CMAS: variants seen among roughly 807,000 people sequenced by gnomAD.
CMAS encodes the protein N-acylneuraminate cytidylyltransferase.
Under a neutral mutation model 53.4 loss-of-function variants are expected in CMAS, and 21 were observed. That is an observed-to-expected ratio of 0.39 (90% CI 0.28 to 0.57). CMAS has a LOEUF of 0.57. CMAS is among the 20% of genes least tolerant of loss of function. CMAS has a pLI of 0.56. For missense variants in CMAS, 384 were observed against 534.9 expected, an observed-to-expected ratio of 0.72 and a Z score of 2.78; for synonymous variants, 189 against 195.2, an observed-to-expected ratio of 0.97 and a Z score of 0.27.
intron 6 of CMAS, 73 bp from the exon 7 acceptor site, chr12:22,062,208 T>TGAAA (rs1950312429): frequency 7.3e-6 from 10 of 1,376,412 alleles, no homozygotes; most frequent in South Asian, 2.9e-5. Flanking sequence ...TCAATTATTA[T>TGAAA]GAAAGATTTC....
chr12:22,048,224 A>G (rs1386932481), intron 1 of CMAS, among the ~76,000 whole-genome samples: 1 of 152,256 alleles, frequency 6.6e-6, no homozygotes, highest in Non-Finnish European at 1.5e-5. Context: ...GACATGCAGT[A>G]TACAAGAACA....
Position 22,046,466 on chromosome 12 carries a change from A to G in CMAS, c.163A>G (p.Ser55Gly). The G allele has an allele frequency of 6.2e-7, 1 of 1,610,484 alleles. No individual in the cohort carries two copies. Among genetic ancestry groups the G allele is most frequent in the East Asian group, 2.2e-5 (1 of 44,640 alleles). Residue 55 changes from serine to glycine, a missense_variant, in exon 1 of 8, where the codon AGC becomes GGC. Coordinates refer to ENST00000229329, the MANE Select transcript of CMAS (RefSeq NM_018686.6). ...LAALILARGG[S>G]KGIPLKNIKH... ...AGCCCTAATTCTGGCCCGGGGAGGC[A>G]GCAAAGGCATCCCCCTGAAGAACAT...
In CMAS at chr12:22,065,500, G is replaced by T. The variant is rs1280946029; in HGVS notation, c.*189G>T. On this transcript the variant is annotated 3_prime_UTR_variant, in exon 8 of 8. Coordinates refer to ENST00000229329, the MANE Select transcript of CMAS (RefSeq NM_018686.6). ...TAGAGACTGATTACAGTCTTTCTCA[G>T]ATTTTTAGTAAATGCAAGTAAGAAC... is the stretch of plus-strand genomic sequence containing the variant. The T allele has an allele frequency of 1.9e-6, 1 of 529,390 alleles. No homozygotes were observed. The highest frequency in any genetic ancestry group is 3.0e-5 in the East Asian group (1 of 33,368). 32.8% of individuals were successfully genotyped at this position (529,390 alleles called of 1,614,324 possible).
intron 1 of CMAS, among the ~76,000 whole-genome samples, chr12:22,052,858 C>A (rs1030661310): frequency 6.6e-6 from 1 of 152,094 alleles, no homozygotes; most frequent in African/African-American, 2.4e-5. Context: ...ATTATTTTTT[C>A]TTACTGACTT....
chr12:22,047,906 G>C (rs1477485511), intron 1 of CMAS, among the ~76,000 whole-genome samples: 5 of 152,194 alleles, frequency 3.3e-5, no homozygotes, highest in Admixed American at 6.5e-5. Context: ...GTAATATAGT[G>C]AAATATCATT....
chr12:22,048,201 TATA>T (rs1304196730), intron 1 of CMAS, among the ~76,000 whole-genome samples: 2 of 152,206 alleles, frequency 1.3e-5, no homozygotes, highest in Non-Finnish European at 2.9e-5. Flanking sequence ...GAGCTTACGT[TATA>T]ATAAGGAAAG....
intron 4 of CMAS, chr12:22,060,541 A>C (rs887442359): frequency 7.6e-6 from 2 of 263,168 alleles, no homozygotes; most frequent in Admixed American, 4.6e-5. Context: ...GTAGTACCAG[A>C]TCCTTAGGAG....
intron 1 of CMAS, among the ~76,000 whole-genome samples, chr12:22,049,792 C>T (rs578161635): frequency 3.9e-5 from 6 of 152,144 alleles, no homozygotes; most frequent in African/African-American, 1.4e-4. Flanking sequence ...GTAATCCCAG[C>T]TACTCAGGAG....
intron 4 of CMAS, chr12:22,060,518 G>A (rs1950302228): frequency 5.1e-6 from 1 of 196,794 alleles, no homozygotes; most frequent in African/African-American, 2.4e-5. Flanking sequence ...GCCGGACATG[G>A]TGCTGTATAC....
At chr12:22,062,208 T>A (rs1228020364) in intron 6 of CMAS, 73 bp from the exon 7 acceptor site, 2 of 1,376,412 alleles carry the variant, frequency 1.5e-6, no homozygotes, top group East Asian at 4.8e-5. Context: ...TCAATTATTA[T>A]GAAAGATTTC....
intron 4 of CMAS, among the ~76,000 whole-genome samples, chr12:22,060,486 CA>C (rs758461080): frequency 1.3e-5 from 2 of 151,292 alleles, no homozygotes; most frequent in Non-Finnish European, 2.9e-5. Flanking sequence ...CTTATATCTA[CA>C]AAAAACTTTT....
chr12:22,065,375 G>T lies in CMAS; in HGVS notation c.*64G>T. Reference sequence around the variant, plus strand: ...CTTCAGCCAGTTTGCTTTTATTTTTGATTAAGTAAATTCCATGTTGTAATG... The same window carrying T: ...CTTCAGCCAGTTTGCTTTTATTTTTTATTAAGTAAATTCCATGTTGTAATG... On this transcript the variant is annotated 3_prime_UTR_variant, in exon 8 of 8. Transcript: ENST00000229329. 7.8e-7 allele frequency: 1 copy of T among 1,287,518 alleles called. No individual in the cohort carries two copies. The highest frequency in any genetic ancestry group is 1.3e-5 in the South Asian group (1 of 75,654). 79.8% of individuals were successfully genotyped at this position (1,287,518 alleles called of 1,614,324 possible). A position where few individuals can be genotyped will look rare whatever the true frequency, so the allele number is the denominator to read the frequency against.
intron 7 of CMAS, chr12:22,063,979 A>ATAAG (rs1491539107): frequency 7.9e-5 from 12 of 152,026 alleles, no homozygotes; most frequent in Admixed American, 3.3e-4. Flanking sequence ...TATGGGTGAC[A>ATAAG]TAAGTGTATA....
intron 7 of CMAS, among the ~76,000 whole-genome samples, chr12:22,063,325 TTTAATGGACA>T (rs1950320876): frequency 6.6e-6 from 1 of 152,186 alleles, no homozygotes; most frequent in Middle Eastern, 3.2e-3. Context: ...CACATGAAGA[TTTAATGGACA>T]TAAATGCTGC....
Position 22,065,124 on chromosome 12 carries a change from A to G in CMAS, c.1118A>G (p.Asn373Ser). Residue 373 changes from asparagine (N) to serine (S), a missense_variant, in exon 8 of 8, where the codon AAT becomes AGT. Physicochemically the swap from Asn to Ser is conservative, Grantham distance 46. Around this residue, in one of 3 missense-constraint regions of CMAS, gnomAD observed 134 missense variants for 154.6 expected, o/e 0.87. Coordinates refer to ENST00000229329, the MANE Select transcript of CMAS (RefSeq NM_018686.6). ...CAGTATTTATTTTACTTGATAGGAA[A>G]TGAAGTGTCTGATGAAGAGTGCTTG... Reference protein sequence around the residue: ...LCWKEVAYLGNEVSDEECLKR... With the variant: ...LCWKEVAYLGSEVSDEECLKR... 1.9e-6 allele frequency: 3 copies of G among 1,600,880 alleles called. No individual in the cohort carries two copies. The highest frequency in any genetic ancestry group is 1.7e-6 in the Non-Finnish European group (2 of 1,170,606).
intron 1 of CMAS, among the ~76,000 whole-genome samples, chr12:22,047,697 G>C (rs909383059): frequency 7.9e-5 from 12 of 152,138 alleles, no homozygotes; most frequent in Non-Finnish European, 1.5e-5. Flanking sequence ...GGAGAGATAG[G>C]GAAGGACCTG....
intron 7 of CMAS, among the ~76,000 whole-genome samples, chr12:22,062,867 C>T (rs2138189641): frequency 6.6e-6 from 1 of 152,232 alleles, no homozygotes; most frequent in Admixed American, 6.5e-5. Flanking sequence ...ATACTTTTTC[C>T]TCCAAATTCC....
chr12:22,055,074 A>T, intron 1 of CMAS, 75 bp from the exon 2 acceptor site: 2 of 1,123,948 alleles, frequency 1.8e-6, no homozygotes, highest in South Asian at 1.8e-5. Flanking sequence ...GCTGTATTTT[A>T]TGGTTACAGA....
chr12:22,049,181 G>A (rs1950224768), intron 1 of CMAS, among the ~76,000 whole-genome samples: 1 of 152,164 alleles, frequency 6.6e-6, no homozygotes, highest in African/African-American at 2.4e-5. Flanking sequence ...TCTTCAACCA[G>A]TCACTATGGC....
Sources: allele counts gnomAD v4.1 joint callset (sites outside exome capture counted in the v4.1 genomes callset), GRCh38; gene constraint gnomAD v4.1.1; regional missense constraint gnomAD v4.1.1; transcripts MANE v1.5; gene names NCBI Gene and HGNC (gene_info 2026-07-23, HGNC 2026-07-21).